MSH3: variants seen among roughly 807,000 people sequenced by gnomAD.
The protein encoded by MSH3 is mutS homolog 3.
In MSH3, 106 loss-of-function variants were observed where a neutral mutation model predicts 123.3. That is an observed-to-expected ratio of 0.86 (90% CI 0.73 to 1.01). The LOEUF is 1.01. Ranked by LOEUF, MSH3 falls within the 50% of genes least tolerant of loss-of-function variation. The pLI, the probability that MSH3 is intolerant of heterozygous loss-of-function variation, is 0.00. For missense variants in MSH3, 1,459 were observed against 1,347.6 expected (o/e 1.08, Z -1.29); for synonymous variants, 515 against 481.4 (o/e 1.07, Z -0.91).
Position 80,741,494 on chromosome 5 carries a change from A to G in MSH3, c.1599A>G (p.Glu533=). 1 of 1,606,716 alleles carries G rather than the reference A, an allele frequency of 6.2e-7. No individual in the cohort carries two copies. Residue 533 remains glutamate (E), a synonymous_variant, in exon 11 of 24, where the codon GAA becomes GAG. Transcript: ENST00000265081. ...TTAAACAGCTATCAAGTAAAATGGAATTTATGACAATTAATGGAACAACAT... is the reference window on the plus strand; with the variant it reads ...TTAAACAGCTATCAAGTAAAATGGAGTTTATGACAATTAATGGAACAACAT... ...ENFKQLSSKM[E]FMTINGTTLR... is the part of the protein sequence containing the mutation.
intron 8 of MSH3, among the ~76,000 whole-genome samples, chr5:80,711,901 G>A (rs547812009): frequency 2.6e-5 from 4 of 152,096 alleles, no homozygotes; most frequent in Non-Finnish European, 5.9e-5. Flanking sequence ...TGATCCACCT[G>A]TCTCGGCCTC....
intron 20 of MSH3, among the ~76,000 whole-genome samples, chr5:80,844,558 A>T (rs1362685963): frequency 6.6e-6 from 1 of 152,110 alleles, no homozygotes; most frequent in African/African-American, 2.4e-5. Flanking sequence ...GTGTCTAAGG[A>T]CTTGCTTTAT....
chr5:80,682,220 T>G (rs1412790411), intron 8 of MSH3, among the ~76,000 whole-genome samples: 1 of 152,154 alleles, frequency 6.6e-6, no homozygotes, highest in African/African-American at 2.4e-5. Flanking sequence ...GGGTTTGAGT[T>G]GGAAAACTAG....
Position 80,875,783 on chromosome 5 carries a change from C to G in MSH3, c.3335C>G (p.Thr1112Arg). The part of the protein sequence containing the change: ...KRLKYFAKLW[T>R]MHNAQDLQKW... ...CTCAAGTATTTTGCAAAGTTATGGACGATGCATAATGCACAAGACCTGCAG... is the reference window on the plus strand; with the variant it reads ...CTCAAGTATTTTGCAAAGTTATGGAGGATGCATAATGCACAAGACCTGCAG... Residue 1112 changes from threonine to arginine, a missense_variant, in exon 24 of 24, where the codon ACG (threonine) becomes AGG (arginine). Coordinates refer to ENST00000265081, the MANE Select transcript of MSH3 (RefSeq NM_002439.5). The G allele has an allele frequency of 6.2e-7, 1 of 1,613,522 alleles. No homozygotes were observed. Among genetic ancestry groups the G allele is most frequent in the Middle Eastern group, 1.6e-4 (1 of 6,062 alleles).
chr5:80,675,837 TG>T (rs1463397704), intron 7 of MSH3, among the ~76,000 whole-genome samples: 1 of 152,142 alleles, frequency 6.6e-6, no homozygotes, highest in Non-Finnish European at 1.5e-5. Flanking sequence ...ACAAGCATGG[TG>T]GCAAAGTGTT....
chr5:80,825,777 G>A (rs1745287359), intron 20 of MSH3, among the ~76,000 whole-genome samples: 1 of 152,202 alleles, frequency 6.6e-6, no homozygotes, highest in African/African-American at 2.4e-5. Flanking sequence ...TTGCTCATAA[G>A]AACATTTTCA....
At chr5:80,696,532 G>A (rs1412253987) in intron 8 of MSH3, among the ~76,000 whole-genome samples, 1 of 152,128 alleles carries the variant, frequency 6.6e-6, no homozygotes, top group Non-Finnish European at 1.5e-5. Context: ...CTCCAAGTCT[G>A]GGTTTTATGC....
At chr5:80,863,066 G>A (rs1225454554) in intron 21 of MSH3, among the ~76,000 whole-genome samples, 1 of 152,036 alleles carries the variant, frequency 6.6e-6, no homozygotes, top group Non-Finnish European at 1.5e-5. Context: ...AAATCTAGTG[G>A]GTACCCTCTT....
intron 20 of MSH3, among the ~76,000 whole-genome samples, chr5:80,850,187 G>A (rs577212330): frequency 4.6e-5 from 7 of 152,210 alleles, no homozygotes; most frequent in Middle Eastern, 3.4e-3. Flanking sequence ...CCTCAGCCTG[G>A]ACCTTATTGT....
At chr5:80,866,806 A>G (rs1746108643) in intron 22 of MSH3, among the ~76,000 whole-genome samples, 1 of 152,154 alleles carries the variant, frequency 6.6e-6, no homozygotes. Flanking sequence ...AGACAAGTAC[A>G]TTTCTTTCTT....
chr5:80,775,881 C>G lies in MSH3; in HGVS notation c.2318+123C>G, dbSNP rs545611086. The G allele has an allele frequency of 6.1e-5, 40 of 652,876 alleles. No homozygotes were observed. In the African/African-American group the frequency reaches 6.3e-4, roughly 10 times the overall value. The allele number at this position is 652,876 out of a possible 1,614,324, so 40.4% of individuals were successfully genotyped here. A position where few individuals can be genotyped will look rare whatever the true frequency, so the allele number is the denominator to read the frequency against. On this transcript the variant is annotated intron_variant, in intron 16 of 23. Coordinates refer to ENST00000265081, the MANE Select transcript of MSH3 (RefSeq NM_002439.5). Reference sequence around the variant, plus strand: ...AAGCAATTCTTTTTACTTATTTTTTCTGATGGAACTTTTTTTTTTTTTGGA... The same window carrying G: ...AAGCAATTCTTTTTACTTATTTTTTGTGATGGAACTTTTTTTTTTTTTGGA...
At chr5:80,798,000 G>A (rs538494217) in intron 19 of MSH3, among the ~76,000 whole-genome samples, 1 of 152,184 alleles carries the variant, frequency 6.6e-6, no homozygotes, top group African/African-American at 2.4e-5. Flanking sequence ...TTAAAGTCGG[G>A]GTTTTCAGTT....
intron 19 of MSH3, among the ~76,000 whole-genome samples, chr5:80,800,104 A>T (rs1160291487): frequency 6.6e-6 from 1 of 152,262 alleles, no homozygotes; most frequent in Non-Finnish European, 1.5e-5. Context: ...GATGCTATTC[A>T]GACAGATATT....
At chr5:80,727,700 A>C (rs536360536) in intron 9 of MSH3, among the ~76,000 whole-genome samples, 1 of 152,350 alleles carries the variant, frequency 6.6e-6, no homozygotes, top group East Asian at 1.9e-4. Context: ...GGCATACAAT[A>C]AGGAATAAAA....
chr5:80,709,808 A>G (rs1446434369), intron 8 of MSH3, among the ~76,000 whole-genome samples: 1 of 152,168 alleles, frequency 6.6e-6, no homozygotes, highest in African/African-American at 2.4e-5. Context: ...TTTTAAAGGC[A>G]TTTCAGGCAT....
chr5:80,850,648 C>T (rs913992139), intron 20 of MSH3, among the ~76,000 whole-genome samples: 7 of 152,140 alleles, frequency 4.6e-5, no homozygotes, highest in Non-Finnish European at 1.0e-4. Flanking sequence ...AAAGACCTGC[C>T]CCCATAATTC....
intron 8 of MSH3, among the ~76,000 whole-genome samples, chr5:80,712,604 T>TC (rs1337569692): frequency 5.3e-5 from 8 of 152,274 alleles, no homozygotes; most frequent in African/African-American, 1.9e-4. Flanking sequence ...GGGGTTTTTT[T>TC]CCCCTCTGTG....
At chr5:80,849,010 TG>T (rs1745779409) in intron 20 of MSH3, among the ~76,000 whole-genome samples, 1 of 152,068 alleles carries the variant, frequency 6.6e-6, no homozygotes, top group Non-Finnish European at 1.5e-5. Context: ...CTAAATACAA[TG>T]GGGGTACAGG....
intron 8 of MSH3, among the ~76,000 whole-genome samples, chr5:80,716,339 G>A (rs1467815052): frequency 2.6e-5 from 4 of 151,874 alleles, no homozygotes; most frequent in East Asian, 1.9e-4. Context: ...TCTAAAGGTC[G>A]ATTCTTAAAA....
Sources: gnomAD v4.1 joint callset for allele counts (sites outside exome capture counted in the v4.1 genomes callset) on GRCh38, gnomAD v4.1.1 for gene constraint, MANE v1.5 for transcripts, NCBI Gene and HGNC (gene_info 2026-07-23, HGNC 2026-07-21) for gene names.